Variants in DLGAP1 observed in about 807,000 individuals in gnomAD.
The protein encoded by DLGAP1 is disks large-associated protein 1.
DLGAP1 carries 11 observed loss-of-function variants against 90.8 expected under a neutral mutation model. The ratio of observed to expected loss-of-function variants is 0.12; its 90% confidence interval spans 0.08 to 0.20. The LOEUF (loss-of-function observed/expected upper bound fraction) is 0.20, where lower values mean the gene tolerates loss of function less well. Ranked by LOEUF, DLGAP1 falls within the 10% of genes least tolerant of loss-of-function variation. DLGAP1 has a pLI of 1.00. For missense variants in DLGAP1, 1,050 were observed against 1,333.8 expected, an observed-to-expected ratio of 0.79 and a Z score of 3.31; for synonymous variants, 558 against 540.7, an observed-to-expected ratio of 1.03 and a Z score of -0.44.
chr18:3,799,463 A>G (rs930510144), intron 5 of DLGAP1, among the ~76,000 whole-genome samples: 1 of 149,292 alleles, frequency 6.7e-6, no homozygotes, highest in Non-Finnish European at 1.5e-5. Context: ...TGACCAGCAG[A>G]CCCTGTTGTA....
Position 3,768,251 on chromosome 18 carries a change from C to T in DLGAP1, c.1173-25739G>A, listed in dbSNP as rs144168031. Among the ~76,000 whole-genome samples, 51 of 152,058 alleles carry T rather than the reference C, an allele frequency of 3.4e-4. 1 individual carries two copies. The highest frequency in any genetic ancestry group is 1.9e-3 in the South Asian group (9 of 4,816). On this transcript the variant is annotated intron_variant, in intron 5 of 12. Transcript: ENST00000315677. ...AGGTGTAAATCTAACAAAATATGTT[C>T]GGATCTGGTGAGCTGAAAAGTACAT...
intron 1 of DLGAP1, among the ~76,000 whole-genome samples, chr18:4,419,365 T>G (rs1399624385): frequency 5.3e-5 from 8 of 151,982 alleles, no homozygotes; most frequent in Non-Finnish European, 1.2e-4. Flanking sequence ...CATATCATAA[T>G]AACAAAGAAA....
At position 3,583,184 on chromosome 18, in the gene DLGAP1, A is replaced by ACCTTCCTTCCTT. The variant is rs1194711711; in HGVS notation, c.1592-948_1592-937dup. 3.5e-3 allele frequency among the ~76,000 whole-genome samples: 446 copies of ACCTTCCTTCCTT among 127,802 alleles called. 2 individuals are homozygous for ACCTTCCTTCCTT. The highest frequency in any genetic ancestry group is 0.013 in the African/African-American group (408 of 31,754). The allele number at this position is 127,802 out of a possible 152,430, so 83.8% of individuals were successfully genotyped here. A position where few individuals can be genotyped will look rare whatever the true frequency, so the allele number is the denominator to read the frequency against. On this transcript the variant is annotated intron_variant, in intron 7 of 12. Transcript: ENST00000315677. Reference sequence around the variant, plus strand: ...TACCTACCTACCTACCTACCTACCTACCTTCCTTCCTTCCTTCCTTCCTTC... The same window carrying ACCTTCCTTCCTT: ...TACCTACCTACCTACCTACCTACCTACCTTCCTTCCTTCCTTCCTTCCTTCCTTCCTTCCTTC...
At chr18:4,319,737 G>A (rs953587576) in intron 1 of DLGAP1, among the ~76,000 whole-genome samples, 1 of 152,156 alleles carries the variant, frequency 6.6e-6, no homozygotes, top group Admixed American at 6.5e-5. Flanking sequence ...AGACTGATTG[G>A]CATTTTGTGT....
At chr18:3,949,825 C>A (rs559423689) in intron 3 of DLGAP1, among the ~76,000 whole-genome samples, 165 of 152,184 alleles carry the variant, frequency 1.1e-3, no homozygotes, top group Middle Eastern at 3.4e-3. Flanking sequence ...ATGATTACAC[C>A]AAATAGCATA....
intron 2 of DLGAP1, among the ~76,000 whole-genome samples, chr18:4,096,245 G>A (rs1197351898): frequency 2.0e-5 from 3 of 151,988 alleles, no homozygotes; most frequent in Non-Finnish European, 4.4e-5. Flanking sequence ...GGCAGGTCTC[G>A]AACTCCTGGC....
At chr18:4,445,155 T>C (rs543069530) in intron 1 of DLGAP1, among the ~76,000 whole-genome samples, 1 of 152,304 alleles carries the variant, frequency 6.6e-6, no homozygotes, top group African/African-American at 2.4e-5. Context: ...AAAATCAATA[T>C]AACCAAAATA....
chr18:3,499,098 G>A lies in DLGAP1; in HGVS notation c.*87C>T. ...AGTCACCGAGCTCGGGAGCGGACGG[G>A]CTCGGAGGGGGAGAGGCAGCCGGCA... On this transcript the variant is annotated 3_prime_UTR_variant, in exon 13 of 13. Coordinates refer to ENST00000315677, the MANE Select transcript of DLGAP1 (RefSeq NM_004746.4). This position sits in a 1 kb window ranked among gnomAD's most constrained non-coding sequence, Gnocchi z 6.4. 1 of 1,255,442 alleles carries A rather than the reference G, an allele frequency of 8.0e-7. No individual in the cohort carries two copies. The highest frequency in any genetic ancestry group is 1.1e-6 in the Non-Finnish European group (1 of 941,078). 77.8% of individuals were successfully genotyped at this position (1,255,442 alleles called of 1,614,324 possible). A position where few individuals can be genotyped will look rare whatever the true frequency, so the allele number is the denominator to read the frequency against.
chr18:3,793,433 C>T (rs2065838449), intron 5 of DLGAP1, among the ~76,000 whole-genome samples: 1 of 152,192 alleles, frequency 6.6e-6, no homozygotes, highest in Admixed American at 6.5e-5. Context: ...GCTCCTCCAC[C>T]CAAGGCTGTC....
intron 1 of DLGAP1, among the ~76,000 whole-genome samples, chr18:4,397,689 T>C (rs2082469067): frequency 6.6e-6 from 1 of 152,192 alleles, no homozygotes; most frequent in Admixed American, 6.5e-5. Flanking sequence ...TGAGCTGAAA[T>C]AAGTAAATTT....
intron 7 of DLGAP1, among the ~76,000 whole-genome samples, chr18:3,610,906 T>C (rs1034419746): frequency 6.6e-6 from 1 of 150,660 alleles, no homozygotes; most frequent in Non-Finnish European, 1.5e-5. Flanking sequence ...AGTTTTCATA[T>C]GTATTTTTTT....
chr18:4,327,941 A>C (rs115429617), intron 1 of DLGAP1, among the ~76,000 whole-genome samples: 1,535 of 152,092 alleles, frequency 0.01, 30 homozygotes, highest in African/African-American at 0.036. Context: ...AGTTCCTGAA[A>C]TCCCTTATCT....
chr18:3,817,379 T>C (rs1018085701), intron 4 of DLGAP1, among the ~76,000 whole-genome samples: 3 of 152,316 alleles, frequency 2.0e-5, no homozygotes, highest in South Asian at 4.1e-4. Flanking sequence ...TATCTTTCAA[T>C]TAATCTTACT....
intron 7 of DLGAP1, among the ~76,000 whole-genome samples, chr18:3,649,473 C>T (rs2059223520): frequency 6.6e-6 from 1 of 152,196 alleles, no homozygotes; most frequent in Non-Finnish European, 1.5e-5. Context: ...GTGTGCTACA[C>T]CATGATTCTA....
intron 1 of DLGAP1, among the ~76,000 whole-genome samples, chr18:4,380,758 C>G (rs890321610): frequency 6.6e-6 from 1 of 152,162 alleles, no homozygotes; most frequent in Non-Finnish European, 1.5e-5. Flanking sequence ...TAACGAAACT[C>G]ATCTCCTTCA....
At chr18:4,128,639 C>T (rs1206845599) in intron 2 of DLGAP1, among the ~76,000 whole-genome samples, 1 of 152,164 alleles carries the variant, frequency 6.6e-6, no homozygotes, top group Non-Finnish European at 1.5e-5. Flanking sequence ...TACAGAGAGA[C>T]ACGGGTCCTT....
chr18:4,420,464 A>G (rs1256896425), intron 1 of DLGAP1, among the ~76,000 whole-genome samples: 2 of 152,214 alleles, frequency 1.3e-5, no homozygotes, highest in Non-Finnish European at 2.9e-5. Flanking sequence ...TTAAAATAAT[A>G]TAAAGTCAAG....
At chr18:3,699,392 C>T (rs1447089557) in intron 7 of DLGAP1, among the ~76,000 whole-genome samples, 2 of 152,140 alleles carry the variant, frequency 1.3e-5, no homozygotes, top group Non-Finnish European at 2.9e-5. Context: ...TTCCTTCTAA[C>T]CTGCCCTCTG....
At chr18:4,306,426 AGTGTGTGTGTGTGTGTGTGT>A (rs60225266) in intron 1 of DLGAP1, among the ~76,000 whole-genome samples, 4 of 130,336 alleles carry the variant, frequency 3.1e-5, no homozygotes, top group Non-Finnish European at 4.8e-5. Context: ...AGAAAGTAAG[AGTGTGTGTGTGTGTGTGTGT>A]GTGTGTGTGT....
Sources: gnomAD v4.1 joint callset for allele counts (sites outside exome capture counted in the v4.1 genomes callset) on GRCh38, gnomAD v4.1.1 for gene constraint, Gnocchi (gnomAD v3.1) non-coding constraint, MANE v1.5 for transcripts, NCBI Gene and HGNC (gene_info 2026-07-23, HGNC 2026-07-21) for gene names.